Variants in TTC29 observed in about 807,000 individuals in gnomAD.
TTC29 encodes the protein tetratricopeptide repeat protein 29.
In TTC29, 49 loss-of-function variants were observed where a neutral mutation model predicts 58.1. The ratio of observed to expected loss-of-function variants is 0.84; its 90% confidence interval spans 0.67 to 1.07. The LOEUF (loss-of-function observed/expected upper bound fraction) is 1.07, where lower values mean the gene tolerates loss of function less well. Ranked by LOEUF, TTC29 falls within the 50% of genes least tolerant of loss-of-function variation. The probability of loss-of-function intolerance (pLI) is 0.00; values close to 1 mark genes in which losing one functional copy is unlikely to be tolerated. For synonymous variants in TTC29, 209 were observed against 196.8 expected, an observed-to-expected ratio of 1.06 and a Z score of -0.52; for missense variants, 582 against 555.6, an observed-to-expected ratio of 1.05 and a Z score of -0.48.
intron 11 of TTC29, among the ~76,000 whole-genome samples, chr4:146,785,022 G>T (rs543511070): frequency 1.3e-4 from 20 of 152,182 alleles, no homozygotes; most frequent in African/African-American, 4.6e-4. Context: ...AGATCCTTTT[G>T]TTCCTACGCA....
intron 10 of TTC29, among the ~76,000 whole-genome samples, chr4:146,810,485 A>T (rs1750940714): frequency 6.6e-6 from 1 of 152,204 alleles, no homozygotes; most frequent in Non-Finnish European, 1.5e-5. Context: ...ACATGGTAGT[A>T]AAAAGAAATT....
intron 11 of TTC29, among the ~76,000 whole-genome samples, chr4:146,757,391 CTA>C (rs1474562943): frequency 5.3e-5 from 8 of 152,138 alleles, no homozygotes; most frequent in Non-Finnish European, 1.0e-4. Context: ...TGTGAAATAT[CTA>C]TGCGTCTCTC....
chr4:146,885,747 C>T (rs1252847642), intron 6 of TTC29, among the ~76,000 whole-genome samples: 1 of 152,038 alleles, frequency 6.6e-6, no homozygotes, highest in African/African-American at 2.4e-5. Context: ...ATTACAATTA[C>T]TTTTGCACTA....
intron 8 of TTC29, among the ~76,000 whole-genome samples, chr4:146,848,768 C>A (rs1034913927): frequency 6.6e-6 from 1 of 152,208 alleles, no homozygotes; most frequent in Admixed American, 6.5e-5. Context: ...ATTCTCCCAG[C>A]TGGTTCCACC....
chr4:146,920,129 T>C (rs530425865), intron 4 of TTC29, among the ~76,000 whole-genome samples: 1 of 151,276 alleles, frequency 6.6e-6, no homozygotes, highest in South Asian at 2.1e-4. Context: ...GAATAATTCA[T>C]GATTCCCCAT....
At chr4:146,931,221 AAT>A (rs1735315298) in intron 4 of TTC29, among the ~76,000 whole-genome samples, 1 of 152,188 alleles carries the variant, frequency 6.6e-6, no homozygotes, top group African/African-American at 2.4e-5. Flanking sequence ...ATAAGTTTGA[AAT>A]ATATGTTATT....
At chr4:146,738,383 G>C (rs1362392825) in intron 11 of TTC29, among the ~76,000 whole-genome samples, 1 of 152,138 alleles carries the variant, frequency 6.6e-6, no homozygotes, top group Non-Finnish European at 1.5e-5. Context: ...CTGTGTATTT[G>C]CCAAGACCAC....
chr4:146,851,482 T>C (rs1374310019), intron 8 of TTC29, among the ~76,000 whole-genome samples: 1 of 152,154 alleles, frequency 6.6e-6, no homozygotes, highest in Admixed American at 6.5e-5. Context: ...TCTTCTTTCA[T>C]TTTATCCAAA....
chr4:146,745,275 G>A (rs982553482), intron 11 of TTC29, among the ~76,000 whole-genome samples: 2 of 152,226 alleles, frequency 1.3e-5, no homozygotes, highest in Non-Finnish European at 2.9e-5. Context: ...CAAAGTGAGA[G>A]AAAGTAGAAG....
chr4:146,877,978 G>A (rs2150228280), intron 6 of TTC29, among the ~76,000 whole-genome samples: 1 of 152,254 alleles, frequency 6.6e-6, no homozygotes, highest in East Asian at 1.9e-4. Flanking sequence ...AAGAAATCAG[G>A]ACAAAATGGG....
intron 4 of TTC29, among the ~76,000 whole-genome samples, chr4:146,916,505 C>T (rs1734230564): frequency 6.6e-6 from 1 of 151,464 alleles, no homozygotes; most frequent in South Asian, 2.1e-4. Flanking sequence ...ATTGGGCTAC[C>T]AACAGCCATA....
intron 11 of TTC29, among the ~76,000 whole-genome samples, chr4:146,774,228 T>A (rs944580646): frequency 3.3e-5 from 5 of 152,190 alleles, no homozygotes; most frequent in African/African-American, 1.2e-4. Context: ...TTAATTCCCC[T>A]CAGTTCAGCT....
chr4:146,849,521 T>A (rs1382588185), intron 8 of TTC29, among the ~76,000 whole-genome samples: 1 of 152,206 alleles, frequency 6.6e-6, no homozygotes, highest in Non-Finnish European at 1.5e-5. Context: ...ATGTTTTAGA[T>A]GTCAACCTCA....
At chr4:146,731,835 A>G (rs1744355913) in intron 11 of TTC29, among the ~76,000 whole-genome samples, 1 of 152,186 alleles carries the variant, frequency 6.6e-6, no homozygotes, top group African/African-American at 2.4e-5. Flanking sequence ...TAAGGTTGGC[A>G]TTCCTGGAAC....
chr4:146,722,698 ATTTTAT>A (rs1173251782), intron 11 of TTC29, among the ~76,000 whole-genome samples: 1 of 151,854 alleles, frequency 6.6e-6, no homozygotes, highest in Non-Finnish European at 1.5e-5. Flanking sequence ...GGTTTATTTT[ATTTTAT>A]TTTTATTTTT....
At chr4:146,779,064 A>G (rs1748369673) in intron 11 of TTC29, among the ~76,000 whole-genome samples, 1 of 151,586 alleles carries the variant, frequency 6.6e-6, no homozygotes, top group Non-Finnish European at 1.5e-5. Context: ...AACAGCTTTG[A>G]ACAATAAGAA....
At chr4:146,941,821 G>A (rs1736428584) in intron 2 of TTC29, among the ~76,000 whole-genome samples, 1 of 152,170 alleles carries the variant, frequency 6.6e-6, no homozygotes, top group Non-Finnish European at 1.5e-5. Flanking sequence ...TGTAGTGGGG[G>A]AAAGGGTAGA....
intron 11 of TTC29, among the ~76,000 whole-genome samples, chr4:146,791,763 G>A (rs1267393573): frequency 6.6e-6 from 1 of 152,124 alleles, no homozygotes; most frequent in Non-Finnish European, 1.5e-5. Context: ...GAATACAAGA[G>A]AAAAGAAAGT....
Position 146,909,198 on chromosome 4 carries a change from A to C in TTC29, c.228T>G (p.Gly76=). The change falls in exon 5 of 13, where the codon GGT becomes GGG. Residue 76 remains glycine (G), a synonymous_variant. Transcript: ENST00000325106. ...AGAGCTCGGTGAAGGACTTATGATA[A>C]CCATCTCGCAGCATGTCCACACAGA... ...KNICVDMLRD[G]YHKSFTELFA... 2 of 1,613,724 alleles carry C rather than the reference A, an allele frequency of 1.2e-6. No individual in the cohort carries two copies. Among genetic ancestry groups the C allele is most frequent in the Non-Finnish European group, 1.7e-6 (2 of 1,179,830 alleles).
Sources: gnomAD v4.1 joint callset for allele counts (sites outside exome capture counted in the v4.1 genomes callset) on GRCh38, gnomAD v4.1.1 for gene constraint, MANE v1.5 for transcripts, NCBI Gene and HGNC (gene_info 2026-07-23, HGNC 2026-07-21) for gene names.